The following BEGAIN variants were observed in gnomAD, a reference collection of about 807,000 sequenced individuals.
The protein encoded by BEGAIN is brain-enriched guanylate kinase-associated protein.
BEGAIN carries 19 observed loss-of-function variants against 35.8 expected under a neutral mutation model. That is an observed-to-expected ratio of 0.53 (90% CI 0.37 to 0.78). The LOEUF is 0.78. Ranked by LOEUF, BEGAIN falls within the 30% of genes least tolerant of loss-of-function variation. The pLI, the probability that BEGAIN is intolerant of heterozygous loss-of-function variation, is 0.00. For synonymous variants in BEGAIN, 462 were observed against 388.6 expected (o/e 1.19, Z -2.22); for missense variants, 795 against 853.6 (o/e 0.93, Z 0.85).
At chr14:100,580,288 G>C (rs2035288630) in intron 1 of BEGAIN, among the ~76,000 whole-genome samples, 1 of 152,102 alleles carries the variant, frequency 6.6e-6, no homozygotes, top group South Asian at 2.1e-4. Flanking sequence ...GGGTGACAGG[G>C]CAAGACTCTA....
chr14:100,577,546 C>T (rs938552833), intron 1 of BEGAIN: 15 of 399,134 alleles, frequency 3.8e-5, no homozygotes, highest in South Asian at 2.5e-4. Flanking sequence ...CTCTGGGCTG[C>T]GGCCTCTGGG....
intron 2 of BEGAIN, among the ~76,000 whole-genome samples, chr14:100,554,439 C>T (rs192603529): frequency 9.1e-4 from 139 of 152,272 alleles, no homozygotes; most frequent in Admixed American, 1.4e-3. Flanking sequence ...GCTCCGGCAA[C>T]ACTAAATTGC....
chr14:100,567,964 C>T lies in BEGAIN; in HGVS notation c.43-25G>A. The T allele has an allele frequency of 7.6e-6, 11 of 1,442,656 alleles. No homozygotes were observed. Among genetic ancestry groups the T allele is most frequent in the Non-Finnish European group, 9.2e-6 (10 of 1,086,216 alleles). The allele number at this position is 1,442,656 out of a possible 1,614,324, so 89.4% of individuals were successfully genotyped here. ...CCTGCGAGAAACCAAACGAGAGGGT[C>T]AGCAGGCAGGAGGCGTGCGCTCCGC... On this transcript the variant is annotated intron_variant, in intron 1 of 6. Coordinates refer to ENST00000554140, the MANE Select transcript of BEGAIN (RefSeq NM_001385089.1). This position sits in a 1 kb window ranked among gnomAD's most constrained non-coding sequence, Gnocchi z 5.1.
At chr14:100,556,454 A>T (rs934318623) in intron 2 of BEGAIN, among the ~76,000 whole-genome samples, 2 of 152,120 alleles carry the variant, frequency 1.3e-5, no homozygotes, top group Non-Finnish European at 2.9e-5. Context: ...AAAGCGGGCC[A>T]ACCCAGGCAG....
chr14:100,574,520 T>G (rs1284491056), intron 1 of BEGAIN, among the ~76,000 whole-genome samples: 3 of 42,692 alleles, frequency 7.0e-5, no homozygotes, highest in African/African-American at 3.3e-4. Flanking sequence ...GCACAAAGGT[T>G]TTTTTTTTTT....
chr14:100,584,001 TC>T (rs2035382367), intron 1 of BEGAIN, among the ~76,000 whole-genome samples: 1 of 152,314 alleles, frequency 6.6e-6, no homozygotes, highest in East Asian at 1.9e-4. Flanking sequence ...GCCCAGCCTA[TC>T]CCTCTAGGTT....
chr14:100,570,506 G>T (rs2139737729), intron 1 of BEGAIN, among the ~76,000 whole-genome samples: 1 of 151,774 alleles, frequency 6.6e-6, no homozygotes, highest in African/African-American at 2.4e-5. Context: ...GCGGCCCTCT[G>T]TGGGAACTCT....
intron 6 of BEGAIN, chr14:100,540,200 G>A (rs974547450): frequency 1.1e-5 from 5 of 440,076 alleles, no homozygotes; most frequent in Admixed American, 7.2e-5. Flanking sequence ...CCGTGTCAGC[G>A]CTCAGTGGAA....
Position 100,546,774 on chromosome 14 carries a change from GCGCGCGCACACACA to G in BEGAIN, c.72-126_72-113del, listed in dbSNP as rs1227667274. On this transcript the variant is annotated intron_variant, in intron 2 of 6. Coordinates refer to ENST00000554140, the MANE Select transcript of BEGAIN (RefSeq NM_001385089.1). ...AACACGCGAGTACCGGCGCGCGCGC[GCGCGCGCACACACA>G]CACACACACACACACACACACACAC... The G allele has an allele frequency of 5.1e-4, 387 of 756,584 alleles. No individual in the cohort carries two copies. The African/African-American group carries it at 9.7e-3, about 19-fold the overall frequency. The allele number at this position is 756,584 out of a possible 1,614,324, so 46.9% of individuals were successfully genotyped here.
intron 1 of BEGAIN, among the ~76,000 whole-genome samples, chr14:100,579,012 T>C (rs760187229): frequency 1.3e-5 from 2 of 152,136 alleles, no homozygotes; most frequent in African/African-American, 2.4e-5. Context: ...AGGCGCCTGC[T>C]ACCATGCCTG....
chr14:100,546,556 T>A lies in BEGAIN; in HGVS notation c.178A>T (p.Ile60Phe), dbSNP rs2032489037. 2 of 1,584,374 alleles carry A rather than the reference T, an allele frequency of 1.3e-6. No individual in the cohort carries two copies. The change falls in exon 3 of 7, where the codon ATC becomes TTC. Residue 60 changes from isoleucine (I) to phenylalanine (F), a missense_variant. Around this residue, in one of 3 missense-constraint regions of BEGAIN, gnomAD observed 58 missense variants for 62.7 expected, o/e 0.92. Coordinates refer to ENST00000554140, the MANE Select transcript of BEGAIN (RefSeq NM_001385089.1). ...TCCTCCTGCGCGCGCCGCAGCTCGA[T>A]CTCCAGGTAGTGGCGCGTGGAGTCG... ...EFDSTRHYLE[I>F]ELRRAQEELE...
chr14:100,577,682 G>A (rs2035231119), intron 1 of BEGAIN: 4 of 399,102 alleles, frequency 1.0e-5, no homozygotes, highest in Non-Finnish European at 1.8e-5. Context: ...GTGACAGCCC[G>A]GCTGCCTGTG....
chr14:100,538,313 C>A lies in BEGAIN; in HGVS notation c.1495G>T (p.Asp499Tyr). Residue 499 changes from aspartate to tyrosine, a missense_variant, in exon 7 of 7, where the codon GAC becomes TAC. Coordinates refer to ENST00000554140, the MANE Select transcript of BEGAIN (RefSeq NM_001385089.1). Reference protein sequence around the residue: ...SYKADSFSEGDDLSQGHLAEP... With the variant: ...SYKADSFSEGYDLSQGHLAEP... Reference sequence around the variant, plus strand: ...GCCAGGTGGCCCTGGGAGAGGTCGTCCCCCTCGGAGAAGCTGTCGGCCTTG... The same window carrying A: ...GCCAGGTGGCCCTGGGAGAGGTCGTACCCCTCGGAGAAGCTGTCGGCCTTG... The A allele has an allele frequency of 6.5e-7, 1 of 1,527,406 alleles. No individual in the cohort carries two copies. Among genetic ancestry groups the A allele is most frequent in the South Asian group, 1.2e-5 (1 of 80,054 alleles). The allele number at this position is 1,527,406 out of a possible 1,614,324, so 94.6% of individuals were successfully genotyped here.
In BEGAIN at chr14:100,539,198, T is replaced by G; in HGVS notation, c.610A>C (p.Lys204Gln). The G allele has an allele frequency of 6.3e-7, 1 of 1,582,210 alleles. No individual in the cohort carries two copies. The highest frequency in any genetic ancestry group is 8.6e-7 in the Non-Finnish European group (1 of 1,162,882). Residue 204 changes from lysine to glutamine, a missense_variant, in exon 7 of 7, where the codon AAG (lysine) becomes CAG (glutamine). Physicochemically the swap from Lys to Gln is moderately conservative, Grantham distance 53. This residue lies in a region of BEGAIN where 664 missense variants were observed against 647.7 expected (regional missense o/e 1.03). Coordinates refer to ENST00000554140, the MANE Select transcript of BEGAIN (RefSeq NM_001385089.1). ...ADSVPTCVIA[K>Q]VLEKPDPASL... ...GCGGGGTCCGGCTTCTCCAGCACCT[T>G]GGCAATGACGCAGGTGGGGACGCTG...
At chr14:100,578,783 G>A (rs1354290100) in intron 1 of BEGAIN, among the ~76,000 whole-genome samples, 2 of 150,894 alleles carry the variant, frequency 1.3e-5, no homozygotes, top group African/African-American at 2.4e-5. Flanking sequence ...GGAGCAGAAA[G>A]ACAAAAGGAA....
rs768780685 is a variant in BEGAIN at position 100,538,477 on chromosome 14, T to G, written c.1331A>C (p.Asp444Ala). The G allele has an allele frequency of 1.9e-6, 3 of 1,563,410 alleles. No homozygotes were observed. Among genetic ancestry groups the G allele is most frequent in the Non-Finnish European group, 2.6e-6 (3 of 1,159,418 alleles). ...RGQWRPLSVEDIGAYSYPVSA... is the reference protein window; with the variant it reads ...RGQWRPLSVEAIGAYSYPVSA... ...CACGGGGTAGGAGTAGGCGCCGATG[T>G]CCTCCACGCTCAGGGGACGCCACTG... The change falls in exon 7 of 7, where the codon GAC becomes GCC. Residue 444 changes from aspartate to alanine, a missense_variant. By Grantham distance (126) the Asp-to-Ala change is moderately radical (BLOSUM62 -2). This residue lies in a region of BEGAIN where 664 missense variants were observed against 647.7 expected (regional missense o/e 1.03). Transcript: ENST00000554140.
chr14:100,572,456 C>T (rs928264739), intron 1 of BEGAIN, among the ~76,000 whole-genome samples: 1 of 152,242 alleles, frequency 6.6e-6, no homozygotes, highest in African/African-American at 2.4e-5. Flanking sequence ...GCCAGCCCCA[C>T]CCTCCCTCAG....
In BEGAIN at chr14:100,567,906, C is replaced by T; in HGVS notation, c.71+5G>A. The T allele has an allele frequency of 6.8e-7, 1 of 1,468,352 alleles. No individual in the cohort carries two copies. Among genetic ancestry groups the T allele is most frequent in the Non-Finnish European group, 9.1e-7 (1 of 1,101,212 alleles). 91.0% of individuals were successfully genotyped at this position (1,468,352 alleles called of 1,614,324 possible). On this transcript the variant is annotated splice_donor_5th_base_variant and intron_variant, in intron 2 of 6. Transcript: ENST00000554140. The surrounding 1 kb of genome is among the most constrained non-coding windows in gnomAD (Gnocchi z 5.1). ...GAGCCGCGGCACGGGAGACGCTCCA[C>T]TCACCTGAGTTTCTCCATGTCTGCG...
Position 100,587,262 on chromosome 14 carries a change from C to A in BEGAIN, c.29G>T (p.Arg10Leu). 1 of 190,380 alleles carries A rather than the reference C, an allele frequency of 5.3e-6. No homozygotes were observed. Among genetic ancestry groups the A allele is most frequent in the Non-Finnish European group, 1.1e-5 (1 of 92,516 alleles). 11.8% of individuals were successfully genotyped at this position (190,380 alleles called of 1,614,324 possible). The change falls in exon 1 of 7, where the codon CGG becomes CTG. Residue 10 changes from arginine to leucine, a missense_variant. Coordinates refer to ENST00000554140, the MANE Select transcript of BEGAIN (RefSeq NM_001385089.1). ...GCAGGTACTCACCGCCCGGCGCAGC[C>A]GGCCCGGCCGGCGACCGCCAGTCCA... MWTGGRRPG[R>L]LRRAASAADM...
Sources: allele counts gnomAD v4.1 joint callset (sites outside exome capture counted in the v4.1 genomes callset), GRCh38; gene constraint gnomAD v4.1.1; regional missense constraint gnomAD v4.1.1; non-coding constraint Gnocchi (gnomAD v3.1); transcripts MANE v1.5; gene names NCBI Gene and HGNC (gene_info 2026-07-23, HGNC 2026-07-21).